The following SHOC2 variants were observed in gnomAD, a reference collection of about 807,000 sequenced individuals.
The protein encoded by SHOC2 is SHOC2 leucine rich repeat scaffold protein.
SHOC2 carries 4 observed loss-of-function variants against 50.2 expected under a neutral mutation model. The ratio of observed to expected loss-of-function variants is 0.08; its 90% CI spans 0.04 to 0.18. SHOC2 has a LOEUF of 0.18. SHOC2 is among the 10% of genes least tolerant of loss of function. The pLI is 1.00. For synonymous variants in SHOC2, 218 were observed against 244.5 expected (o/e 0.89, Z 1.01); for missense variants, 388 against 669.6 (o/e 0.58, Z 4.64).
rs771002839 is a variant in SHOC2 at position 111,002,209 on chromosome 10, AT to A, written c.972+1665del. ...AGCCTCACTCCCAGTCCCACTGAAT[AT>A]GGGAAAGTATGAAGTCATAATTTAA... On this transcript the variant is annotated intron_variant, in intron 4 of 8. Coordinates refer to ENST00000369452, the MANE Select transcript of SHOC2 (RefSeq NM_007373.4). Among the ~76,000 whole-genome samples the A allele has an allele frequency of 2.5e-4, 38 of 152,178 alleles. 1 individual carries two copies. The highest frequency in any genetic ancestry group is 5.4e-4 in the Non-Finnish European group (37 of 68,024).
Position 110,964,934 on chromosome 10 carries a change from T to A in SHOC2, c.576T>A (p.Asp192Glu), listed in dbSNP as rs1436730166. 1 of 1,613,830 alleles carries A rather than the reference T, an allele frequency of 6.2e-7. No individual in the cohort carries two copies. Among genetic ancestry groups the A allele is most frequent in the Middle Eastern group, 1.6e-4 (1 of 6,062 alleles). Residue 192 changes from aspartate to glutamate, a missense_variant, in exon 2 of 9, where the codon GAT becomes GAA. By Grantham distance (45) the Asp-to-Glu change is conservative. Around this residue, in one of 5 missense-constraint regions of SHOC2, gnomAD observed 88 missense variants for 147.2 expected, o/e 0.60. Coordinates refer to ENST00000369452, the MANE Select transcript of SHOC2 (RefSeq NM_007373.4). The surrounding 1 kb of genome is among the most constrained non-coding windows in gnomAD (Gnocchi z 4.9). Reference protein sequence around the residue: ...REIPSVVYRLDSLTTLYLRFN... With the variant: ...REIPSVVYRLESLTTLYLRFN... ...TTCCTTCAGTGGTGTATAGGCTGGA[T>A]TCTCTCACCACTCTTTACCTTCGCT...
chr10:111,001,539 T>C (rs1286489996), intron 4 of SHOC2, among the ~76,000 whole-genome samples: 3 of 152,238 alleles, frequency 2.0e-5, no homozygotes, highest in African/African-American at 7.2e-5. Context: ...TATTTTAGCA[T>C]GTCGACAATG....
intron 2 of SHOC2, among the ~76,000 whole-genome samples, chr10:110,977,341 T>G (rs907891733): frequency 4.7e-5 from 7 of 149,662 alleles, no homozygotes; most frequent in African/African-American, 1.5e-4. Context: ...AGTCTCTGCC[T>G]TCTGGGTTCA....
In SHOC2 at chr10:110,982,369, C is replaced by T. The variant is rs556475657; in HGVS notation, c.704-3259C>T. ...GATTTATAGTCCTTTGGGTATATAC[C>T]CAGTAACGGGATGGCTGGGTCAAAT... On this transcript the variant is annotated intron_variant, in intron 2 of 8. Coordinates refer to ENST00000369452, the MANE Select transcript of SHOC2 (RefSeq NM_007373.4). 4.8e-3 allele frequency among the ~76,000 whole-genome samples: 729 copies of T among 151,494 alleles called. 3 individuals are homozygous for T. Among genetic ancestry groups the T allele is most frequent in the Admixed American group, 7.7e-3 (117 of 15,214 alleles).
chr10:110,996,886 A>T (rs1448005125), intron 3 of SHOC2, among the ~76,000 whole-genome samples: 1 of 152,204 alleles, frequency 6.6e-6, no homozygotes, highest in Admixed American at 6.5e-5. Context: ...TGTAATCATG[A>T]TGATAGAGGT....
chr10:110,950,562 C>T (rs1293999180), intron 1 of SHOC2, among the ~76,000 whole-genome samples: 2 of 152,030 alleles, frequency 1.3e-5, no homozygotes. Context: ...TCCAAGCAGC[C>T]ATAGCAAGAA....
chr10:110,972,803 G>A (rs999393067), intron 2 of SHOC2, among the ~76,000 whole-genome samples: 7 of 152,110 alleles, frequency 4.6e-5, no homozygotes, highest in African/African-American at 1.7e-4. Flanking sequence ...CGCCACTGTA[G>A]TCCAGCCTGG....
rs758965011 is a variant in SHOC2, at chr10:110,964,450, C to G, written c.92C>G (p.Ser31Cys). ...AKEREKEAKA[S>C]GGFGKESKEK... The stretch of plus-strand genomic sequence containing the variant: ...GAAAGAGAAAAGGAGGCAAAAGCCT[C>G]TGGAGGTTTTGGGAAAGAGAGCAAA... The change falls in exon 2 of 9, where the codon TCT becomes TGT. Residue 31 changes from serine to cysteine, a missense_variant. Transcript: ENST00000369452. The surrounding 1 kb of genome is among the most constrained non-coding windows in gnomAD (Gnocchi z 4.9). The G allele has an allele frequency of 1.2e-6, 2 of 1,613,958 alleles. No homozygotes were observed. Among genetic ancestry groups the G allele is most frequent in the South Asian group, 2.2e-5 (2 of 91,062 alleles).
chr10:110,999,542 G>C (rs563304308), intron 3 of SHOC2, among the ~76,000 whole-genome samples: 2 of 152,058 alleles, frequency 1.3e-5, no homozygotes, highest in East Asian at 3.9e-4. Flanking sequence ...TTCAAGACCA[G>C]CCTGGCCAAC....
intron 4 of SHOC2, 101 bp downstream of exon 4, chr10:111,000,646 G>C (rs1037291544): frequency 1.3e-5 from 14 of 1,089,504 alleles, no homozygotes; most frequent in Non-Finnish European, 1.8e-5. Context: ...TTTGGTGATT[G>C]AGATTGTTTA....
At chr10:110,971,756 C>T (rs923650799) in intron 2 of SHOC2, among the ~76,000 whole-genome samples, 2 of 152,056 alleles carry the variant, frequency 1.3e-5, no homozygotes, top group African/African-American at 4.8e-5. Context: ...GCTTTTTCAC[C>T]TCCTTAAATT....
chr10:110,948,099 C>T (rs533720027), intron 1 of SHOC2, among the ~76,000 whole-genome samples: 12 of 152,140 alleles, frequency 7.9e-5, no homozygotes, highest in African/African-American at 2.9e-4. Flanking sequence ...ATAAAATAGA[C>T]TTCAAGTCAA....
chr10:111,005,306 A>G (rs1161432693), intron 5 of SHOC2, among the ~76,000 whole-genome samples: 1 of 152,208 alleles, frequency 6.6e-6, no homozygotes, highest in Non-Finnish European at 1.5e-5. Context: ...ATGAATGTCT[A>G]TAAAAGTATA....
At chr10:110,922,331 G>A (rs966589978) in intron 1 of SHOC2, among the ~76,000 whole-genome samples, 5 of 152,054 alleles carry the variant, frequency 3.3e-5, no homozygotes, top group Non-Finnish European at 4.4e-5. Context: ...TGGAGGATGG[G>A]TGAATAAACT....
chr10:110,919,489 G>A (rs1424858565), upstream of SHOC2: 3 of 392,582 alleles, frequency 7.6e-6, no homozygotes, highest in Non-Finnish European at 1.3e-5. Flanking sequence ...CACGGCAGAG[G>A]GGTGGGGCGG....
At chr10:110,924,006 A>G (rs895165288) in intron 1 of SHOC2, among the ~76,000 whole-genome samples, 3 of 152,010 alleles carry the variant, frequency 2.0e-5, no homozygotes, top group African/African-American at 7.2e-5. Context: ...AGTTAATTTG[A>G]TCAGTTACAT....
chr10:110,962,788 T>G (rs1222045419), intron 1 of SHOC2, among the ~76,000 whole-genome samples: 4 of 152,192 alleles, frequency 2.6e-5, no homozygotes, highest in Admixed American at 6.5e-5. Context: ...CACAACCCAT[T>G]AATCCAGGAC....
chr10:110,965,900 C>T (rs772930138), intron 2 of SHOC2, among the ~76,000 whole-genome samples: 7 of 151,628 alleles, frequency 4.6e-5, no homozygotes, highest in Non-Finnish European at 1.0e-4. Flanking sequence ...AAGGTATTGC[C>T]TCTGTGGGCC....
chr10:110,951,042 T>C (rs571736790), intron 1 of SHOC2, among the ~76,000 whole-genome samples: 13 of 152,190 alleles, frequency 8.5e-5, no homozygotes, highest in Non-Finnish European at 5.9e-5. Flanking sequence ...GAAATGGTAT[T>C]GCATCAACTG....
Sources: gnomAD v4.1 joint callset for allele counts (sites outside exome capture counted in the v4.1 genomes callset) on GRCh38, gnomAD v4.1.1 for gene constraint, gnomAD v4.1.1 regional missense constraint, Gnocchi (gnomAD v3.1) non-coding constraint, MANE v1.5 for transcripts, NCBI Gene and HGNC (gene_info 2026-07-23, HGNC 2026-07-21) for gene names.